The following UNC5C variants were observed in gnomAD, a reference collection of about 807,000 sequenced individuals.
UNC5C encodes the protein unc-5 netrin receptor C.
Under a neutral mutation model 99.8 loss-of-function variants are expected in UNC5C, and 47 were observed. The ratio of observed to expected loss-of-function variants is 0.47; its 90% CI spans 0.37 to 0.60. The LOEUF (loss-of-function observed/expected upper bound fraction) is 0.60. Among genes scored for constraint, UNC5C ranks in the 20% least tolerant of loss-of-function variants. The pLI, the probability that UNC5C is intolerant of heterozygous loss-of-function variation, is 0.00. For missense variants in UNC5C, 1,062 were observed against 1,165.9 expected, an observed-to-expected ratio of 0.91 and a Z score of 1.30; for synonymous variants, 487 against 452.2, an observed-to-expected ratio of 1.08 and a Z score of -0.98.
chr4:95,285,528 T>C (rs1177256146), intron 3 of UNC5C, among the ~76,000 whole-genome samples: 1 of 152,208 alleles, frequency 6.6e-6, no homozygotes, highest in Non-Finnish European at 1.5e-5. Context: ...TGAAAGGTGA[T>C]TACTCATCTG....
At chr4:95,372,492 C>T (rs2865447) in intron 1 of UNC5C, among the ~76,000 whole-genome samples, 29,598 of 152,024 alleles carry the variant, frequency 0.19, 3,364 homozygotes, top group African/African-American at 0.3. Flanking sequence ...GGAAAGGTTG[C>T]TCTGTTAGGT....
chr4:95,473,147 T>G (rs1748026152), intron 1 of UNC5C, among the ~76,000 whole-genome samples: 1 of 152,074 alleles, frequency 6.6e-6, no homozygotes, highest in African/African-American at 2.4e-5. Context: ...TGCCAACTCT[T>G]CTTTTGTGTT....
chr4:95,217,689 A>G (rs1738299692), intron 9 of UNC5C, among the ~76,000 whole-genome samples: 1 of 152,204 alleles, frequency 6.6e-6, no homozygotes, highest in African/African-American at 2.4e-5. Flanking sequence ...AAAAAGTGGT[A>G]GGTAGAAATG....
chr4:95,303,233 G>C (rs1741938939), intron 2 of UNC5C, among the ~76,000 whole-genome samples: 1 of 152,184 alleles, frequency 6.6e-6, no homozygotes, highest in South Asian at 2.1e-4. Context: ...CTGGGAACCT[G>C]CTGCAAATGC....
chr4:95,180,502 G>T (rs1736570706), intron 14 of UNC5C, among the ~76,000 whole-genome samples: 1 of 152,102 alleles, frequency 6.6e-6, no homozygotes, highest in Non-Finnish European at 1.5e-5. Context: ...TAGTCTTCCA[G>T]ACATTTTCCT....
intron 4 of UNC5C, among the ~76,000 whole-genome samples, chr4:95,263,408 G>C (rs1035609199): frequency 2.6e-5 from 4 of 152,092 alleles, no homozygotes; most frequent in African/African-American, 9.7e-5. Context: ...GGCATGAGAG[G>C]ATAGTGGTTC....
intron 7 of UNC5C, among the ~76,000 whole-genome samples, chr4:95,236,546 A>C (rs1168407536): frequency 4.6e-5 from 7 of 152,024 alleles, no homozygotes; most frequent in African/African-American, 1.7e-4. Context: ...ACAAACCTGC[A>C]TGTTGTGAAC....
intron 9 of UNC5C, 73 bp downstream of exon 9, chr4:95,218,896 G>A (rs1388269130): frequency 9.0e-6 from 13 of 1,440,842 alleles, no homozygotes; most frequent in East Asian, 2.3e-5. Flanking sequence ...AACATCCCAC[G>A]AACAAAAAAG....
intron 1 of UNC5C, among the ~76,000 whole-genome samples, chr4:95,359,104 A>C (rs1744303467): frequency 2.0e-5 from 3 of 152,296 alleles, no homozygotes; most frequent in South Asian, 2.1e-4. Flanking sequence ...ATGCCCAATA[A>C]GTTTGTTTTG....
At chr4:95,488,921 C>CA (rs1560482077) in intron 1 of UNC5C, among the ~76,000 whole-genome samples, 1 of 151,516 alleles carries the variant, frequency 6.6e-6, no homozygotes, top group Admixed American at 6.6e-5. Flanking sequence ...AAGATCAGTT[C>CA]AAAAAATAAG....
intron 3 of UNC5C, among the ~76,000 whole-genome samples, chr4:95,298,574 C>T (rs1404804440): frequency 6.6e-6 from 1 of 152,170 alleles, no homozygotes; most frequent in Non-Finnish European, 1.5e-5. Flanking sequence ...CAGGTCTTCG[C>T]AACTGTCAAC....
intron 1 of UNC5C, among the ~76,000 whole-genome samples, chr4:95,487,851 T>C (rs572837894): frequency 2.0e-5 from 3 of 151,914 alleles, no homozygotes; most frequent in Admixed American, 1.3e-4. Flanking sequence ...ATAGAAAGTA[T>C]ACTTTATGAC....
chr4:95,493,389 A>C (rs1465434610), intron 1 of UNC5C, among the ~76,000 whole-genome samples: 1 of 151,456 alleles, frequency 6.6e-6, no homozygotes, highest in East Asian at 1.9e-4. Context: ...ATGGCAGGAA[A>C]TATGGTCAGG....
chr4:95,487,381 A>T (rs1380440130), intron 1 of UNC5C, among the ~76,000 whole-genome samples: 2 of 151,668 alleles, frequency 1.3e-5, no homozygotes, highest in East Asian at 1.9e-4. Flanking sequence ...ATAAATATTT[A>T]TGCCCAGTTG....
At chr4:95,471,140 G>T (rs1747955078) in intron 1 of UNC5C, among the ~76,000 whole-genome samples, 1 of 151,634 alleles carries the variant, frequency 6.6e-6, no homozygotes, top group African/African-American at 2.4e-5. Context: ...TGAGGGCGGG[G>T]TGGGGGTGGT....
At chr4:95,468,502 G>T (rs769943577) in intron 1 of UNC5C, among the ~76,000 whole-genome samples, 2 of 152,048 alleles carry the variant, frequency 1.3e-5, no homozygotes, top group African/African-American at 4.8e-5. Flanking sequence ...TCCTTGATTA[G>T]CTCTGTCATA....
intron 4 of UNC5C, among the ~76,000 whole-genome samples, chr4:95,266,425 AT>A (rs1332792566): frequency 2.6e-5 from 4 of 152,222 alleles, no homozygotes; most frequent in Non-Finnish European, 5.9e-5. Flanking sequence ...AATATGAATG[AT>A]TCCTAATTTG....
chr4:95,423,299 A>C (rs972928756), intron 1 of UNC5C, among the ~76,000 whole-genome samples: 1 of 152,224 alleles, frequency 6.6e-6, no homozygotes, highest in Non-Finnish European at 1.5e-5. Context: ...CATGCTGCCC[A>C]GAAAGCACAG....
Position 95,457,217 on chromosome 4 carries a change from T to C in UNC5C, c.124+91517A>G, listed in dbSNP as rs1302736728. Among the ~76,000 whole-genome samples the C allele has an allele frequency of 3.3e-5, 5 of 152,154 alleles. No homozygotes were observed. The East Asian group carries it at 9.6e-4, about 29-fold the overall frequency. ...CATTAGCAATATCCCTATTTCCTGT[T>C]ATTTTCCTTTTTTCAAACCTGTTAT... On this transcript the variant is annotated intron_variant, in intron 1 of 15. Transcript: ENST00000453304.
Sources: gnomAD v4.1 joint callset for allele counts (sites outside exome capture counted in the v4.1 genomes callset) on GRCh38, gnomAD v4.1.1 for gene constraint, MANE v1.5 for transcripts, NCBI Gene and HGNC (gene_info 2026-07-23, HGNC 2026-07-21) for gene names.